The following JARID2 variants were observed in gnomAD, a reference collection of about 807,000 sequenced individuals.
JARID2 encodes jumonji and AT-rich interaction domain containing 2.
JARID2 carries 21 observed loss-of-function variants against 125.6 expected under a neutral mutation model. The ratio of observed to expected loss-of-function variants is 0.17; its 90% CI spans 0.12 to 0.24. The LOEUF (loss-of-function observed/expected upper bound fraction) is 0.24, where lower values mean the gene tolerates loss of function less well. Among genes scored for constraint, JARID2 ranks in the 10% least tolerant of loss-of-function variants. The pLI is 1.00. For synonymous variants in JARID2, 736 were observed against 661.6 expected, an observed-to-expected ratio of 1.11 and a Z score of -1.73; for missense variants, 1,303 against 1,639.6, an observed-to-expected ratio of 0.79 and a Z score of 3.55.
intron 3 of JARID2, among the ~76,000 whole-genome samples, chr6:15,413,631 G>A (rs1189848670): frequency 6.6e-6 from 1 of 152,084 alleles, no homozygotes; most frequent in Non-Finnish European, 1.5e-5. Context: ...TAAAGAGATG[G>A]GATCTGGCTT....
intron 3 of JARID2, among the ~76,000 whole-genome samples, chr6:15,424,665 G>A (rs895703712): frequency 6.6e-6 from 1 of 152,106 alleles, no homozygotes; most frequent in Non-Finnish European, 1.5e-5. Context: ...CGAGACCAGT[G>A]TGACCAACAT....
rs202052238 is a variant in JARID2 at position 15,413,178 on chromosome 6, C to G, written c.323+2813C>G. 4.9e-4 allele frequency among the ~76,000 whole-genome samples: 75 copies of G among 152,002 alleles called. No homozygotes were observed. The East Asian group carries it at 7.2e-3, about 15-fold the overall frequency. ...GGGATTACAGGCATGCGCCACTATG[C>G]CCGGCTAATTTTGTAGTTTTAGTGG... is the stretch of plus-strand genomic sequence containing the variant. On this transcript the variant is annotated intron_variant, in intron 3 of 17. Transcript: ENST00000341776.
At chr6:15,400,692 C>T (rs1765393367) in intron 2 of JARID2, 5 of 512,792 alleles carry the variant, frequency 9.8e-6, no homozygotes, top group Non-Finnish European at 1.0e-5. Context: ...GGGAGCCAGC[C>T]GGAGACCCCT....
At chr6:15,412,708 T>C (rs1765933146) in intron 3 of JARID2, among the ~76,000 whole-genome samples, 1 of 152,192 alleles carries the variant, frequency 6.6e-6, no homozygotes, top group Non-Finnish European at 1.5e-5. Context: ...ATTTAGTGGG[T>C]TGGGTATGAA....
At chr6:15,448,433 C>T (rs1157914362) in intron 3 of JARID2, among the ~76,000 whole-genome samples, 5 of 152,186 alleles carry the variant, frequency 3.3e-5, no homozygotes, top group Non-Finnish European at 7.4e-5. Flanking sequence ...ATCTTCTCAT[C>T]GTGTATAGGG....
At chr6:15,456,536 T>A (rs1216548049) in intron 4 of JARID2, among the ~76,000 whole-genome samples, 2 of 152,168 alleles carry the variant, frequency 1.3e-5, no homozygotes, top group Admixed American at 6.6e-5. Flanking sequence ...ATTTCTTTTA[T>A]ACTTTTTTTA....
At chr6:15,339,806 A>T (rs1186699926) in intron 1 of JARID2, among the ~76,000 whole-genome samples, 7 of 152,150 alleles carry the variant, frequency 4.6e-5, no homozygotes, top group Non-Finnish European at 8.8e-5. Context: ...AAGTGGTGGG[A>T]TTACAGGCGT....
intron 1 of JARID2, among the ~76,000 whole-genome samples, chr6:15,283,092 C>A (rs1224480869): frequency 2.0e-5 from 3 of 151,940 alleles, no homozygotes; most frequent in African/African-American, 7.3e-5. Context: ...CATTCTCCTG[C>A]CTCAGCCTCC....
intron 1 of JARID2, chr6:15,248,905 A>G: frequency 2.0e-6 from 2 of 985,050 alleles, no homozygotes; most frequent in Non-Finnish European, 2.4e-6. Context: ...GGGAGGAGGA[A>G]GAGGAGGAAG....
At chr6:15,390,849 G>A (rs1764973635) in intron 2 of JARID2, among the ~76,000 whole-genome samples, 1 of 152,166 alleles carries the variant, frequency 6.6e-6, no homozygotes, top group Non-Finnish European at 1.5e-5. Context: ...ATCCCTGTAA[G>A]TATGTCCCAG....
intron 3 of JARID2, among the ~76,000 whole-genome samples, chr6:15,421,029 G>C (rs1313011077): frequency 6.6e-6 from 1 of 152,188 alleles, no homozygotes; most frequent in African/African-American, 2.4e-5. Context: ...AGATTCCATT[G>C]TTGTCTGTGT....
rs560052431 is a variant in JARID2, at chr6:15,362,486, C to A, written c.46-11631C>A. Among the ~76,000 whole-genome samples, 5 of 152,332 alleles carry A rather than the reference C, an allele frequency of 3.3e-5. No homozygotes were observed. The East Asian group carries it at 9.6e-4, about 29-fold the overall frequency. On this transcript the variant is annotated intron_variant, in intron 1 of 17. Transcript: ENST00000341776. ...ATGATCAGTATGCAGTTAGTAAACA[C>A]TGGCATTTGTTTGGACACGGGGTCT...
At chr6:15,380,161 G>T (rs958403917) in intron 2 of JARID2, among the ~76,000 whole-genome samples, 1 of 151,774 alleles carries the variant, frequency 6.6e-6, no homozygotes, top group Non-Finnish European at 1.5e-5. Context: ...TCAGTCTCCC[G>T]AGTAGCTGGG....
intron 1 of JARID2, among the ~76,000 whole-genome samples, chr6:15,299,569 C>A (rs533970657): frequency 6.6e-6 from 1 of 152,248 alleles, no homozygotes; most frequent in East Asian, 1.9e-4. Context: ...AGTTGGCCTG[C>A]GTTGAGAACT....
chr6:15,326,191 TTACTC>T (rs1195994843), intron 1 of JARID2, among the ~76,000 whole-genome samples: 3 of 152,164 alleles, frequency 2.0e-5, no homozygotes, highest in African/African-American at 7.2e-5. Context: ...ATTTACACCT[TTACTC>T]TAAGTGAAGC....
chr6:15,512,839 C>G (rs558178905), intron 14 of JARID2, 76 bp from the exon 15 acceptor site: 1 of 1,376,624 alleles, frequency 7.3e-7, no homozygotes, highest in African/African-American at 1.5e-5. Context: ...GCCTGCCTGC[C>G]CCCTCCACCA....
Position 15,452,021 on chromosome 6 carries a change from A to T in JARID2, c.339A>T (p.Ala113=). 6.2e-7 allele frequency: 1 copy of T among 1,613,544 alleles called. No individual in the cohort carries two copies. Among genetic ancestry groups the T allele is most frequent in the Non-Finnish European group, 8.5e-7 (1 of 1,179,844 alleles). The part of the protein sequence containing the change: ...GPSRKRPRLQ[A]QRKFAQSQPN... ...GCTTTTGCAGGCCCAGGCTGCAAGCACAAAGGAAGTTTGCTCAGTCTCAGC... is the reference window on the plus strand; with the variant it reads ...GCTTTTGCAGGCCCAGGCTGCAAGCTCAAAGGAAGTTTGCTCAGTCTCAGC... Residue 113 remains alanine, a synonymous_variant, in exon 4 of 18, where the codon GCA becomes GCT. Coordinates refer to ENST00000341776, the MANE Select transcript of JARID2 (RefSeq NM_004973.4).
chr6:15,516,140 G>C (rs1354092616), intron 16 of JARID2, among the ~76,000 whole-genome samples: 1 of 152,112 alleles, frequency 6.6e-6, no homozygotes, highest in African/African-American at 2.4e-5. Flanking sequence ...TTGGCCCCGT[G>C]TCTCTCCAAG....
intron 1 of JARID2, among the ~76,000 whole-genome samples, chr6:15,315,836 C>T (rs1762161715): frequency 6.6e-6 from 1 of 152,144 alleles, no homozygotes; most frequent in African/African-American, 2.4e-5. Context: ...GTGTGCCGTC[C>T]ATACGTTGAG....
Sources: allele counts gnomAD v4.1 joint callset (sites outside exome capture counted in the v4.1 genomes callset), GRCh38; gene constraint gnomAD v4.1.1; transcripts MANE v1.5; gene names NCBI Gene and HGNC (gene_info 2026-07-23, HGNC 2026-07-21).